FAM13A: variants seen among roughly 807,000 people sequenced by gnomAD.
FAM13A encodes protein FAM13A.
A neutral mutation model predicts 129.6 loss-of-function variants in FAM13A; 76 were observed. The observed-to-expected ratio is 0.59, with a 90% CI of 0.49 to 0.71. FAM13A has a LOEUF of 0.71. Ranked by LOEUF, FAM13A falls within the 30% of genes least tolerant of loss-of-function variation. The probability of loss-of-function intolerance (pLI) is 0.00; values close to 1 mark genes in which losing one functional copy is unlikely to be tolerated. For synonymous variants in FAM13A, 443 were observed against 449.9 expected (o/e 0.98, Z 0.20); for missense variants, 1,108 against 1,249.3 (o/e 0.89, Z 1.70).
At chr4:88,913,978 G>C (rs1230013002) in intron 5 of FAM13A, among the ~76,000 whole-genome samples, 1 of 151,438 alleles carries the variant, frequency 6.6e-6, no homozygotes, top group East Asian at 1.9e-4. Context: ...ACTCCAGCCT[G>C]GATGACAGGG....
intron 8 of FAM13A, among the ~76,000 whole-genome samples, chr4:88,800,344 A>T (rs1360366227): frequency 6.6e-6 from 1 of 152,168 alleles, no homozygotes; most frequent in Non-Finnish European, 1.5e-5. Context: ...ACCAAAACCA[A>T]AACAGCAGAG....
At chr4:89,008,476 G>C (rs559588344) in intron 3 of FAM13A, among the ~76,000 whole-genome samples, 1 of 152,296 alleles carries the variant, frequency 6.6e-6, no homozygotes, top group Admixed American at 6.5e-5. Flanking sequence ...CCTTGATCTT[G>C]GACTTCCAGC....
chr4:88,753,429 C>T (rs1374274088), intron 14 of FAM13A, among the ~76,000 whole-genome samples: 1 of 152,212 alleles, frequency 6.6e-6, no homozygotes, highest in Non-Finnish European at 1.5e-5. Context: ...CCATGGTATA[C>T]ACGAAATACA....
At chr4:88,849,224 A>T (rs962122220) in intron 7 of FAM13A, among the ~76,000 whole-genome samples, 7 of 152,164 alleles carry the variant, frequency 4.6e-5, no homozygotes, top group Non-Finnish European at 1.0e-4. Flanking sequence ...CTTTCTAGTA[A>T]ATGCCATATA....
At chr4:88,965,649 C>T (rs1039448236) in intron 4 of FAM13A, among the ~76,000 whole-genome samples, 3 of 152,062 alleles carry the variant, frequency 2.0e-5, no homozygotes, top group Admixed American at 1.3e-4. Flanking sequence ...ATATCCACAT[C>T]GTTGTATGAC....
intron 3 of FAM13A, among the ~76,000 whole-genome samples, chr4:89,006,803 G>C (rs1469959212): frequency 6.6e-6 from 1 of 152,156 alleles, no homozygotes; most frequent in Non-Finnish European, 1.5e-5. Flanking sequence ...CTAGACAGGG[G>C]ATGGTGCAGG....
At chr4:88,879,495 A>C (rs1404394529) in intron 6 of FAM13A, among the ~76,000 whole-genome samples, 1 of 152,198 alleles carries the variant, frequency 6.6e-6, no homozygotes, top group Non-Finnish European at 1.5e-5. Flanking sequence ...ATTAAAAAAA[A>C]AAGAAGAAGG....
intron 3 of FAM13A, among the ~76,000 whole-genome samples, chr4:89,006,109 T>C (rs1460078988): frequency 6.6e-6 from 1 of 152,216 alleles, no homozygotes; most frequent in African/African-American, 2.4e-5. Context: ...GGGGTCCAGC[T>C]TCAGTCTTCT....
At chr4:88,978,548 T>A (rs1358351014) in intron 4 of FAM13A, among the ~76,000 whole-genome samples, 2 of 152,244 alleles carry the variant, frequency 1.3e-5, no homozygotes, top group East Asian at 1.9e-4. Flanking sequence ...TAATCCCAGC[T>A]CTTTGGGAGG....
At chr4:88,781,851 G>T (rs563343159) in intron 10 of FAM13A, among the ~76,000 whole-genome samples, 1 of 149,206 alleles carries the variant, frequency 6.7e-6, no homozygotes, top group South Asian at 2.1e-4. Context: ...GGGGTGGGGG[G>T]AGCGGGGAGG....
chr4:88,991,140 A>G lies in FAM13A; in HGVS notation c.438T>C (p.Asn146=), dbSNP rs1413062818. ...CTCTTAAGCTACTCTCCTGAACATC[A>G]TTTCTGCCATCTGGAAAAAAAAAGA... ...RFIQLFQDGR[N]DVQESSLRDL... The change falls in exon 4 of 24, where the codon AAT becomes AAC. Residue 146 remains asparagine, a synonymous_variant. Transcript: ENST00000264344. 6.2e-7 allele frequency: 1 copy of G among 1,608,164 alleles called. No homozygotes were observed. Among genetic ancestry groups the G allele is most frequent in the African/African-American group, 1.3e-5 (1 of 74,658 alleles).
intron 4 of FAM13A, among the ~76,000 whole-genome samples, chr4:88,970,558 C>G (rs897197048): frequency 1.3e-5 from 2 of 150,982 alleles, no homozygotes; most frequent in African/African-American, 4.9e-5. Flanking sequence ...TCTGATATAT[C>G]TATATTTTAG....
chr4:88,878,146 CAG>C (rs1742894347), intron 6 of FAM13A, among the ~76,000 whole-genome samples: 1 of 151,728 alleles, frequency 6.6e-6, no homozygotes, highest in African/African-American at 2.4e-5. Flanking sequence ...AAAAATTAGC[CAG>C]GCGTGGTGGC....
At chr4:89,018,012 CA>C (rs1361767952) in intron 3 of FAM13A, among the ~76,000 whole-genome samples, 1 of 151,972 alleles carries the variant, frequency 6.6e-6, no homozygotes. Flanking sequence ...AAAATAAAAT[CA>C]TTTTTTTCAA....
intron 1 of FAM13A, among the ~76,000 whole-genome samples, chr4:89,050,362 C>T (rs1452305622): frequency 6.6e-6 from 1 of 151,942 alleles, no homozygotes; most frequent in Non-Finnish European, 1.5e-5. Context: ...GCCACCACTC[C>T]CAGCTAATTT....
intron 3 of FAM13A, among the ~76,000 whole-genome samples, chr4:89,003,251 T>A (rs1245496651): frequency 3.3e-5 from 5 of 149,890 alleles, no homozygotes; most frequent in Non-Finnish European, 5.9e-5. Flanking sequence ...ACTTTTTTTT[T>A]AAGTTAACAG....
Position 89,023,619 on chromosome 4 carries a change from A to T in FAM13A, c.218-2950T>A, listed in dbSNP as rs530900207. 9.8e-5 allele frequency among the ~76,000 whole-genome samples: 15 copies of T among 152,322 alleles called. No individual in the cohort carries two copies. In the South Asian group the frequency reaches 3.1e-3, roughly 32 times the overall value. ...ACTAGCAGTCATATAAGGTACAAAT[A>T]GAAGTGACTGAATTTAATGCTCCTC... On this transcript the variant is annotated intron_variant, in intron 2 of 23. Coordinates refer to ENST00000264344, the MANE Select transcript of FAM13A (RefSeq NM_014883.4).
At chr4:88,734,446 G>C (rs182177088) in intron 21 of FAM13A, among the ~76,000 whole-genome samples, 11 of 152,334 alleles carry the variant, frequency 7.2e-5, no homozygotes, top group African/African-American at 2.4e-4. Context: ...GCTAGATTTA[G>C]TGTATTTCCT....
At chr4:88,981,172 T>A (rs987008260) in intron 4 of FAM13A, among the ~76,000 whole-genome samples, 1 of 152,122 alleles carries the variant, frequency 6.6e-6, no homozygotes, top group Non-Finnish European at 1.5e-5. Context: ...GACGCAGAGA[T>A]ATGAAGCAAA....
Sources: gnomAD v4.1 joint callset for allele counts (sites outside exome capture counted in the v4.1 genomes callset) on GRCh38, gnomAD v4.1.1 for gene constraint, MANE v1.5 for transcripts, NCBI Gene and HGNC (gene_info 2026-07-23, HGNC 2026-07-21) for gene names.